The following CLDN10 variants were observed in gnomAD, a reference collection of about 807,000 sequenced individuals.
CLDN10 encodes claudin 10.
CLDN10 carries 15 observed loss-of-function variants against 22.9 expected under a neutral mutation model. The observed-to-expected ratio is 0.65, with a 90% CI of 0.44 to 1.01. CLDN10 has a LOEUF of 1.01. CLDN10 is among the 50% of genes least tolerant of loss of function. CLDN10 has a pLI of 0.00. For synonymous variants in CLDN10, 114 were observed against 111.4 expected (o/e 1.02, Z -0.15); for missense variants, 247 against 287.8 (o/e 0.86, Z 1.03).
At position 95,445,293 on chromosome 13, in the gene CLDN10, T is replaced by C. The variant is rs1792071893; in HGVS notation, c.214+11246T>C. On this transcript the variant is annotated intron_variant, in intron 1 of 4. Coordinates refer to the CLDN10 transcript ENST00000376873. Reference sequence around the variant, plus strand: ...CACAGAGCGGGGGAGAATATCTGGCTGCAGACGTCGATAACAAAAGCTCCC... The same window carrying C: ...CACAGAGCGGGGGAGAATATCTGGCCGCAGACGTCGATAACAAAAGCTCCC... 1.3e-5 allele frequency among the ~76,000 whole-genome samples: 2 copies of C among 152,220 alleles called. 1 individual carries two copies. Among genetic ancestry groups the C allele is most frequent in the South Asian group, 4.1e-4 (2 of 4,832 alleles).
At chr13:95,463,420 C>A (rs546126561) in intron 1 of CLDN10, among the ~76,000 whole-genome samples, 2 of 141,892 alleles carry the variant, frequency 1.4e-5, no homozygotes, top group South Asian at 2.3e-4. Flanking sequence ...GTAGCCTGGG[C>A]CTCCTGGGCT....
intron 1 of CLDN10, among the ~76,000 whole-genome samples, chr13:95,484,103 T>C (rs1218493716): frequency 6.6e-6 from 1 of 152,186 alleles, no homozygotes; most frequent in Non-Finnish European, 1.5e-5. Flanking sequence ...TTGTGAGAAA[T>C]ACATTTCTGT....
At chr13:95,474,204 G>A (rs777100363) in intron 1 of CLDN10, among the ~76,000 whole-genome samples, 1 of 96,614 alleles carries the variant, frequency 1.0e-5, no homozygotes, top group Non-Finnish European at 2.9e-5. Context: ...AGATCATCAA[G>A]AGTGACAGAT....
At chr13:95,565,509 G>T (rs1392899100) in intron 3 of CLDN10, among the ~76,000 whole-genome samples, 1 of 152,144 alleles carries the variant, frequency 6.6e-6, no homozygotes, top group Admixed American at 6.5e-5. Flanking sequence ...TCAAAATCAT[G>T]TCGCACTTCT....
intron 3 of CLDN10, 24 bp downstream of exon 3, chr13:95,560,487 T>A: frequency 6.4e-7 from 1 of 1,556,286 alleles, no homozygotes. Flanking sequence ...TCAGTCTGTT[T>A]CCAGCTCACA....
intron 1 of CLDN10, among the ~76,000 whole-genome samples, chr13:95,506,586 G>C (rs1224958986): frequency 6.6e-6 from 1 of 152,152 alleles, no homozygotes; most frequent in Non-Finnish European, 1.5e-5. Context: ...TCAAGCCTCA[G>C]GCCCTCACTG....
chr13:95,560,386 G>T lies in CLDN10; in HGVS notation c.387G>T (p.Leu129=), dbSNP rs1460171508. The stretch of plus-strand genomic sequence containing the variant: ...TTTCCCTCTAATATTTGTTAGGGCT[G>T]TGCTCAATGACTGGATGTTCCCTAT... The part of the protein sequence containing the change: ...LAGIVFILSG[L]CSMTGCSLYA... The change falls in exon 3 of 5, where the codon CTG becomes CTT. Residue 129 remains leucine (L), a synonymous_variant. Coordinates refer to ENST00000299339, the MANE Select transcript of CLDN10 (RefSeq NM_006984.5). 1 of 1,613,778 alleles carries T rather than the reference G, an allele frequency of 6.2e-7. No homozygotes were observed. Among genetic ancestry groups the T allele is most frequent in the South Asian group, 1.1e-5 (1 of 91,070 alleles).
At chr13:95,519,356 G>T (rs2043202071) in intron 1 of CLDN10, among the ~76,000 whole-genome samples, 1 of 152,110 alleles carries the variant, frequency 6.6e-6, no homozygotes, top group Non-Finnish European at 1.5e-5. Flanking sequence ...GTCACAAAAG[G>T]GCTGCCGCCG....
At chr13:95,520,679 A>G (rs1328661289) in intron 1 of CLDN10, among the ~76,000 whole-genome samples, 1 of 152,168 alleles carries the variant, frequency 6.6e-6, no homozygotes, top group Non-Finnish European at 1.5e-5. Context: ...GGACAAGTTC[A>G]TGTTTTAAAT....
At chr13:95,451,012 T>A (rs1482715193) in intron 1 of CLDN10, among the ~76,000 whole-genome samples, 2 of 152,172 alleles carry the variant, frequency 1.3e-5, no homozygotes, top group African/African-American at 4.8e-5. Context: ...CCATGCCCGT[T>A]TTGCAGGTGA....
intron 1 of CLDN10, among the ~76,000 whole-genome samples, chr13:95,522,074 C>A (rs1469885427): frequency 2.0e-5 from 3 of 151,802 alleles, no homozygotes; most frequent in African/African-American, 7.2e-5. Flanking sequence ...TTTACTCAGT[C>A]TCACCAGAAG....
chr13:95,555,338 G>T (rs765437861), intron 1 of CLDN10, among the ~76,000 whole-genome samples: 1 of 152,190 alleles, frequency 6.6e-6, no homozygotes, highest in Admixed American at 6.5e-5. Flanking sequence ...GTGCGCCACC[G>T]CGCCCAGCCA....
rs534351068 is a variant in CLDN10 at position 95,478,404 on chromosome 13, G to A, written c.214+44357G>A. Among the ~76,000 whole-genome samples the A allele has an allele frequency of 3.3e-5, 5 of 152,358 alleles. No individual in the cohort carries two copies. In the South Asian group the frequency reaches 8.3e-4, roughly 25 times the overall value. On this transcript the variant is annotated intron_variant, in intron 1 of 4. Coordinates refer to the CLDN10 transcript ENST00000376873. Reference sequence around the variant, plus strand: ...GATTTAATTGAGATAAGGCCAGGATGTAGAGCGTTTACAGAACTCCCCAGG... The same window carrying A: ...GATTTAATTGAGATAAGGCCAGGATATAGAGCGTTTACAGAACTCCCCAGG...
At chr13:95,448,632 C>T (rs2042403764) in intron 1 of CLDN10, among the ~76,000 whole-genome samples, 1 of 152,222 alleles carries the variant, frequency 6.6e-6, no homozygotes, top group Non-Finnish European at 1.5e-5. Flanking sequence ...AAGTTAGCTC[C>T]TGCCTCCCCA....
At chr13:95,557,380 G>T (rs908391157) in intron 1 of CLDN10, among the ~76,000 whole-genome samples, 10 of 152,148 alleles carry the variant, frequency 6.6e-5, no homozygotes, top group Admixed American at 3.3e-4. Flanking sequence ...CTCTGAAAGG[G>T]TTTGTTGGAA....
At chr13:95,568,778 C>T (rs2043817766) in intron 3 of CLDN10, among the ~76,000 whole-genome samples, 1 of 151,634 alleles carries the variant, frequency 6.6e-6, no homozygotes, top group Admixed American at 6.6e-5. Context: ...TGGTGTAGGA[C>T]TGTCTGTCTG....
At chr13:95,480,630 C>T (rs1416477290) in intron 1 of CLDN10, among the ~76,000 whole-genome samples, 2 of 152,166 alleles carry the variant, frequency 1.3e-5, no homozygotes, top group African/African-American at 4.8e-5. Flanking sequence ...CACTGGGAAA[C>T]TTGTTAGAAT....
chr13:95,479,135 G>A (rs1258252458), intron 1 of CLDN10, among the ~76,000 whole-genome samples: 1 of 152,174 alleles, frequency 6.6e-6, no homozygotes, highest in African/African-American at 2.4e-5. Context: ...CAGATCACGA[G>A]GTCAGGAGTT....
chr13:95,436,037 A>G (rs2042267304), intron 1 of CLDN10, among the ~76,000 whole-genome samples: 1 of 152,092 alleles, frequency 6.6e-6, no homozygotes, highest in African/African-American at 2.4e-5. Context: ...ATTGGGGAAA[A>G]CATGTGTTCA....
Sources: allele counts gnomAD v4.1 joint callset (sites outside exome capture counted in the v4.1 genomes callset), GRCh38; gene constraint gnomAD v4.1.1; transcripts MANE v1.5; gene names NCBI Gene and HGNC (gene_info 2026-07-23, HGNC 2026-07-21).